The following OBI1 variants were observed in gnomAD, a reference collection of about 807,000 sequenced individuals.
The protein encoded by OBI1 is ring finger protein 219.
In OBI1, 59 loss-of-function variants were observed where a neutral mutation model predicts 62.4. The ratio of observed to expected loss-of-function variants is 0.95; its 90% confidence interval spans 0.77 to 1.17. The LOEUF is 1.17. OBI1 is among the 50% of genes most tolerant of loss of function. The pLI is 0.00. For synonymous variants in OBI1, 302 were observed against 292.8 expected, an observed-to-expected ratio of 1.03 and a Z score of -0.32; for missense variants, 875 against 830.9, an observed-to-expected ratio of 1.05 and a Z score of -0.65.
intron 1 of OBI1, among the ~76,000 whole-genome samples, chr13:78,658,181 C>T (rs550816098): frequency 1.3e-5 from 2 of 152,088 alleles, no homozygotes; most frequent in Admixed American, 1.3e-4. Flanking sequence ...AAACACACAC[C>T]CTGACACACC....
At chr13:78,637,575 G>A (rs767261169) in intron 4 of OBI1, among the ~76,000 whole-genome samples, 1 of 152,138 alleles carries the variant, frequency 6.6e-6, no homozygotes, top group Non-Finnish European at 1.5e-5. Flanking sequence ...GCTTACCAAT[G>A]GCTCAAGAAG....
chr13:78,616,537 GCT>G lies in OBI1; in HGVS notation c.1222_1223del (p.Ser408LeufsTer21), dbSNP rs755388648. The G allele has an allele frequency of 6.2e-7, 1 of 1,614,076 alleles. No individual in the cohort carries two copies. The highest frequency in any genetic ancestry group is 8.5e-7 in the Non-Finnish European group (1 of 1,180,010). On this transcript the variant is annotated frameshift_variant, in exon 6 of 6. Coordinates refer to ENST00000282003, the MANE Select transcript of OBI1 (RefSeq NM_024546.4). LOFTEE classifies it high-confidence loss of function. ...LQLSTPENRE[S>X]SVVQAGGSKK... ...TGGAACCTCCTGCTTGGACCACAGA[GCT>G]CTCTCTATTTTCTGGAGTACTGAGC...
chr13:78,627,326 A>T (rs1389864454), intron 5 of OBI1, among the ~76,000 whole-genome samples: 1 of 151,646 alleles, frequency 6.6e-6, no homozygotes, highest in Non-Finnish European at 1.5e-5. Flanking sequence ...AAAAAAAAAA[A>T]AAAGGATACA....
chr13:78,629,363 C>A (rs1875778712), intron 5 of OBI1, among the ~76,000 whole-genome samples: 1 of 151,976 alleles, frequency 6.6e-6, no homozygotes, highest in African/African-American at 2.4e-5. Context: ...ATATAAATGA[C>A]CTAATAGTAT....
At chr13:78,642,882 G>A (rs968263778) in intron 2 of OBI1, among the ~76,000 whole-genome samples, 3 of 131,426 alleles carry the variant, frequency 2.3e-5, no homozygotes, top group Non-Finnish European at 5.0e-5. Context: ...GCGAGACTCC[G>A]TCTCAAAAAA....
intron 1 of OBI1, among the ~76,000 whole-genome samples, chr13:78,645,891 C>G (rs1033708508): frequency 6.6e-6 from 1 of 152,190 alleles, no homozygotes; most frequent in Admixed American, 6.5e-5. Context: ...CTCAGGTGAT[C>G]TGCCCACCTC....
chr13:78,659,113 T>A lies in OBI1; in HGVS notation c.8A>T (p.Gln3Leu). 1 of 1,611,558 alleles carries A rather than the reference T, an allele frequency of 6.2e-7. No individual in the cohort carries two copies. The highest frequency in any genetic ancestry group is 8.5e-7 in the Non-Finnish European group (1 of 1,179,224). Reference protein sequence around the residue: MAQTVQNVTLSLT... With the variant: MALTVQNVTLSLT... ...CGACAATGTAACATTCTGCACGGTC[T>A]GAGCCATGGCAGCGTTCAGAATCCC... is the stretch of plus-strand genomic sequence containing the variant. Residue 3 changes from glutamine to leucine, a missense_variant, in exon 1 of 6, where the codon CAG (glutamine) becomes CTG (leucine). Coordinates refer to ENST00000282003, the MANE Select transcript of OBI1 (RefSeq NM_024546.4).
chr13:78,642,092 A>T (rs890640062), intron 3 of OBI1, 30 bp downstream of exon 3: 1 of 1,336,066 alleles, frequency 7.5e-7, no homozygotes, highest in Non-Finnish European at 1.1e-6. Context: ...TTCACTGCTA[A>T]CATAATTTTA....
rs1236504579 is a variant in OBI1, at chr13:78,659,065, T to C, written c.56A>G (p.His19Arg). The change falls in exon 1 of 6, where the codon CAC (histidine) becomes CGC (arginine). Residue 19 changes from histidine to arginine, a missense_variant. Physicochemically the swap from His to Arg is conservative, Grantham distance 29. Coordinates refer to ENST00000282003, the MANE Select transcript of OBI1 (RefSeq NM_024546.4). The part of the protein sequence containing the change: ...TLSLTLPITC[H>R]ICLGKVRQPV... ...ACCCATTACCTTCCCCAAGCAAATG[T>C]GGCACGTGATGGGCAGAGTGAGCGA... The C allele has an allele frequency of 6.2e-7, 1 of 1,612,794 alleles. No individual in the cohort carries two copies. The highest frequency in any genetic ancestry group is 8.5e-7 in the Non-Finnish European group (1 of 1,179,632).
Position 78,637,244 on chromosome 13 carries a change from C to T in OBI1, c.549+1579G>A, listed in dbSNP as rs547842917. On this transcript the variant is annotated intron_variant, in intron 4 of 5. Transcript: ENST00000282003. Reference sequence around the variant, plus strand: ...TTTGATTATGTTGAGTATGTTATTACTCCACACTTTAGTTTTTATCTCTGC... The same window carrying T: ...TTTGATTATGTTGAGTATGTTATTATTCCACACTTTAGTTTTTATCTCTGC... Among the ~76,000 whole-genome samples, 16 of 152,270 alleles carry T rather than the reference C, an allele frequency of 1.1e-4. No homozygotes were observed. The South Asian group carries it at 2.7e-3, about 26-fold the overall frequency.
intron 1 of OBI1, among the ~76,000 whole-genome samples, chr13:78,646,319 G>A (rs962277976): frequency 2.6e-5 from 4 of 152,166 alleles, no homozygotes; most frequent in Admixed American, 2.0e-4. Flanking sequence ...TTAGTGCCTA[G>A]AAGATAGCTT....
chr13:78,637,747 A>C (rs1876072639), intron 4 of OBI1, among the ~76,000 whole-genome samples: 1 of 152,238 alleles, frequency 6.6e-6, no homozygotes, highest in Admixed American at 6.5e-5. Context: ...CACTTATAAC[A>C]AACTCAGTAC....
At chr13:78,646,773 GAATT>G (rs1460857322) in intron 1 of OBI1, among the ~76,000 whole-genome samples, 1 of 152,082 alleles carries the variant, frequency 6.6e-6, no homozygotes, top group African/African-American at 2.4e-5. Flanking sequence ...ACCTCTCAAA[GAATT>G]AATAGATGCA....
In OBI1 at chr13:78,615,823, A is replaced by T; in HGVS notation, c.1938T>A (p.Phe646Leu). Residue 646 changes from phenylalanine to leucine, a missense_variant, in exon 6 of 6, where the codon TTT becomes TTA. Phe to Leu is a conservative substitution (Grantham distance 22). Transcript: ENST00000282003. ...AAATGCCCTGGGAAAACTCTGTCTG[A>T]AACAAGCAGCTTGGGGGTTTGATTT... ...TNEIKPPSCL[F>L]QTEFSQGILL... 1 of 1,614,050 alleles carries T rather than the reference A, an allele frequency of 6.2e-7. No homozygotes were observed. The highest frequency in any genetic ancestry group is 2.2e-5 in the East Asian group (1 of 44,878).
intron 1 of OBI1, among the ~76,000 whole-genome samples, chr13:78,645,527 T>G (rs972564895): frequency 1.3e-5 from 2 of 152,214 alleles, no homozygotes; most frequent in Non-Finnish European, 2.9e-5. Context: ...GGCATGAGCT[T>G]CACTCTCAAG....
chr13:78,635,136 A>G lies in OBI1; in HGVS notation c.612T>C (p.Ala204=), dbSNP rs1875982571. 7 of 1,610,028 alleles carry G rather than the reference A, an allele frequency of 4.3e-6. No homozygotes were observed. The highest frequency in any genetic ancestry group is 3.3e-5 in the South Asian group (3 of 90,546). ...TTTGAGGTGATCTGTTATCAACTTCAGCCTTCAGTCGTAAATTCTCCCTCA... is the reference window on the plus strand; with the variant it reads ...TTTGAGGTGATCTGTTATCAACTTCGGCCTTCAGTCGTAAATTCTCCCTCA... The part of the protein sequence containing the change: ...GLVRENLRLK[A]EVDNRSPQKF... The change falls in exon 5 of 6, where the codon GCT becomes GCC. Residue 204 remains alanine, a synonymous_variant. Transcript: ENST00000282003.
rs80242893 is a variant in OBI1, at chr13:78,622,070, T to G, written c.639-4948A>C. Among the ~76,000 whole-genome samples the G allele has an allele frequency of 9.1e-3, 1,393 of 152,374 alleles. 13 individuals are homozygous for G. Among genetic ancestry groups the G allele is most frequent in the African/African-American group, 0.032 (1,327 of 41,582 alleles). ...CTTTTACTGTTCTTGCCTATCCATATACATATGTAATTGATAATAAGAGTT... is the reference window on the plus strand; with the variant it reads ...CTTTTACTGTTCTTGCCTATCCATAGACATATGTAATTGATAATAAGAGTT... On this transcript the variant is annotated intron_variant, in intron 5 of 5. Transcript: ENST00000282003.
intron 3 of OBI1, among the ~76,000 whole-genome samples, chr13:78,639,951 C>G (rs969736468): frequency 1.3e-5 from 2 of 150,920 alleles, no homozygotes; most frequent in Non-Finnish European, 2.9e-5. Flanking sequence ...AGGTAACTAA[C>G]CTGCACAATG....
At chr13:78,645,035 G>A in intron 1 of OBI1, 38 bp from the exon 2 acceptor site, 1 of 1,565,464 alleles carries the variant, frequency 6.4e-7, no homozygotes, top group Non-Finnish European at 8.6e-7. Context: ...CAGGACAACG[G>A]TCATAATTAG....
Sources: gnomAD v4.1 joint callset for allele counts (sites outside exome capture counted in the v4.1 genomes callset) on GRCh38, gnomAD v4.1.1 for gene constraint, MANE v1.5 for transcripts, NCBI Gene and HGNC (gene_info 2026-07-23, HGNC 2026-07-21) for gene names.